The following ZDHHC5 variants were observed in gnomAD, a reference collection of about 807,000 sequenced individuals.
ZDHHC5 encodes the protein zDHHC palmitoyltransferase 5, also known as palmitoyltransferase ZDHHC5.
A neutral mutation model predicts 70.0 loss-of-function variants in ZDHHC5; 22 were observed. The ratio of observed to expected loss-of-function variants is 0.31; its 90% CI spans 0.22 to 0.45. ZDHHC5 has a LOEUF of 0.45. Among genes scored for constraint, ZDHHC5 ranks in the 20% least tolerant of loss-of-function variants. The pLI is 1.00. For missense variants in ZDHHC5, 746 were observed against 926.9 expected (o/e 0.80, Z 2.53); for synonymous variants, 313 against 347.8 (o/e 0.90, Z 1.11).
chr11:57,680,425 C>T (rs182440995), intron 2 of ZDHHC5, among the ~76,000 whole-genome samples: 75 of 152,214 alleles, frequency 4.9e-4, no homozygotes, highest in African/African-American at 1.7e-3. Context: ...TGACATGGGC[C>T]TGCAGGAGGT....
chr11:57,692,778 A>G, intron 7 of ZDHHC5, 76 bp downstream of exon 7: 2 of 1,507,690 alleles, frequency 1.3e-6, no homozygotes, highest in South Asian at 2.3e-5. Context: ...CTGGTAAAGG[A>G]GGGGTCTGGT....
At chr11:57,699,441 C>A in intron 11 of ZDHHC5, 23 bp downstream of exon 11, 1 of 1,525,144 alleles carries the variant, frequency 6.6e-7, no homozygotes, top group Admixed American at 2.2e-5. Flanking sequence ...ACTATCCTGA[C>A]CCTTAGCCAA....
intron 6 of ZDHHC5, 62 bp downstream of exon 6, chr11:57,690,499 T>C (rs1012504325): frequency 7.1e-6 from 11 of 1,547,424 alleles, no homozygotes; most frequent in Non-Finnish European, 9.8e-6. Flanking sequence ...GCCTTCTGAT[T>C]AGTGTGCAGT....
intron 2 of ZDHHC5, among the ~76,000 whole-genome samples, chr11:57,675,161 G>A (rs1462468726): frequency 2.0e-5 from 3 of 152,086 alleles, no homozygotes; most frequent in Admixed American, 6.6e-5. Context: ...GGTCAAGAGG[G>A]GTATGTACAA....
At chr11:57,683,508 T>A (rs1001312641) in intron 3 of ZDHHC5, among the ~76,000 whole-genome samples, 6 of 152,222 alleles carry the variant, frequency 3.9e-5, no homozygotes, top group Non-Finnish European at 7.3e-5. Flanking sequence ...ATAAGTTGGA[T>A]ACTGATTTTT....
At position 57,698,962 on chromosome 11, in the gene ZDHHC5, A is replaced by G; in HGVS notation, c.1526A>G (p.Gln509Arg). The change falls in exon 11 of 12, where the codon CAA becomes CGA. Residue 509 changes from glutamine to arginine, a missense_variant. Physicochemically the swap from Gln to Arg is conservative, Grantham distance 43. This residue lies in a region of ZDHHC5 where 340 missense variants were observed against 350.1 expected (regional missense o/e 0.97). Coordinates refer to ENST00000287169, the MANE Select transcript of ZDHHC5 (RefSeq NM_015457.3). ...SPFLSARLAQ[Q>R]REAERHPRLV... ...TTCCTGTCAGCCAGGCTGGCCCAGC[A>G]ACGGGAAGCTGAGAGGCACCCACGT... is the stretch of plus-strand genomic sequence containing the variant. 6.2e-7 allele frequency: 1 copy of G among 1,613,066 alleles called. No individual in the cohort carries two copies. The highest frequency in any genetic ancestry group is 8.5e-7 in the Non-Finnish European group (1 of 1,179,990).
At position 57,682,541 on chromosome 11, in the gene ZDHHC5, G is replaced by A. The variant is rs1216715899; in HGVS notation, c.224G>A (p.Arg75Gln). The change falls in exon 3 of 12, where the codon CGA becomes CAA. Residue 75 changes from arginine to glutamine, a missense_variant and splice_region_variant. Coordinates refer to ENST00000287169, the MANE Select transcript of ZDHHC5 (RefSeq NM_015457.3). ...ATFMDPGIFP[R>Q]AEEDEDKEDD... ...TTCATGGACCCAGGGATTTTCCCTC[G>A]AGGTAAGATCTGCTTCTCTCTTAGA... is the stretch of plus-strand genomic sequence containing the variant. 1.9e-6 allele frequency: 3 copies of A among 1,613,734 alleles called. No homozygotes were observed. In the Admixed American group the frequency reaches 5.0e-5, roughly 27 times the overall value.
At position 57,698,600 on chromosome 11, in the gene ZDHHC5, A is replaced by T. The variant is rs760205967; in HGVS notation, c.1164A>T (p.Ala388=). ...GCTTGAAGGAGCCAACCTCAATTGC[A>T]GAGAGCAGCCGTCACCCCAGCTACC... is the stretch of plus-strand genomic sequence containing the variant. ...GDSLKEPTSI[A]ESSRHPSYRS... The change falls in exon 11 of 12, where the codon GCA becomes GCT. Residue 388 remains alanine (A), a synonymous_variant. Coordinates refer to ENST00000287169, the MANE Select transcript of ZDHHC5 (RefSeq NM_015457.3). 2 of 1,612,990 alleles carry T rather than the reference A, an allele frequency of 1.2e-6. No homozygotes were observed. Among genetic ancestry groups the T allele is most frequent in the Non-Finnish European group, 1.7e-6 (2 of 1,179,406 alleles).
intron 4 of ZDHHC5, among the ~76,000 whole-genome samples, chr11:57,689,677 ATTTTTTTT>A (rs10561191): frequency 7.4e-6 from 1 of 135,542 alleles, no homozygotes; most frequent in Admixed American, 7.5e-5. Context: ...CGCCCGGCCA[ATTTTTTTT>A]TTTTTTTTTT....
At position 57,682,553 on chromosome 11, in the gene ZDHHC5, G is replaced by T. The variant is rs754022747; in HGVS notation, c.226+10G>T. On this transcript the variant is annotated intron_variant, in intron 3 of 11. Transcript: ENST00000287169. ...GGGATTTTCCCTCGAGGTAAGATCT[G>T]CTTCTCTCTTAGAAGCACCTTACAC... The T allele has an allele frequency of 2.5e-6, 4 of 1,613,548 alleles. No homozygotes were observed. The highest frequency in any genetic ancestry group is 3.4e-6 in the Non-Finnish European group (4 of 1,179,792).
intron 1 of ZDHHC5, among the ~76,000 whole-genome samples, chr11:57,670,678 A>G (rs1945994191): frequency 6.6e-6 from 1 of 152,108 alleles, no homozygotes; most frequent in African/African-American, 2.4e-5. Context: ...GTATTCTAAT[A>G]CTGCTGTTTG....
rs1039343977 is a variant in ZDHHC5 at position 57,699,360 on chromosome 11, G to T, written c.1924G>T (p.Ala642Ser). Residue 642 changes from alanine (A) to serine (S), a missense_variant, in exon 11 of 12, where the codon GCC becomes TCC. By Grantham distance (99) the Ala-to-Ser change is moderately conservative (BLOSUM62 1). Around this residue, in one of 6 missense-constraint regions of ZDHHC5, gnomAD observed 340 missense variants for 350.1 expected, o/e 0.97. Transcript: ENST00000287169. ...GRSMSYSSQK[A>S]QPGVSETEEV... Reference sequence around the variant, plus strand: ...ATCGATGTCTTACAGCAGCCAAAAAGCCCAACCTGGTGTCTCTGAGACAGA... The same window carrying T: ...ATCGATGTCTTACAGCAGCCAAAAATCCCAACCTGGTGTCTCTGAGACAGA... 3.1e-6 allele frequency: 5 copies of T among 1,607,982 alleles called. No individual in the cohort carries two copies. The South Asian group carries it at 3.3e-5, about 11-fold the overall frequency.
chr11:57,695,943 A>G lies in ZDHHC5; in HGVS notation c.909A>G (p.Thr303=). 1.2e-6 allele frequency: 2 copies of G among 1,614,134 alleles called. No individual in the cohort carries two copies. The highest frequency in any genetic ancestry group is 2.2e-5 in the South Asian group (2 of 91,068). The part of the protein sequence containing the change: ...RTKSKGSLEI[T]ESQSADAEPP... ...AGTCTAAGGGAAGCCTGGAGATAACAGAGAGCCAGTCTGCAGATGCTGAAC... is the reference window on the plus strand; with the variant it reads ...AGTCTAAGGGAAGCCTGGAGATAACGGAGAGCCAGTCTGCAGATGCTGAAC... The change falls in exon 9 of 12, where the codon ACA becomes ACG. Residue 303 remains threonine, a synonymous_variant. Coordinates refer to ENST00000287169, the MANE Select transcript of ZDHHC5 (RefSeq NM_015457.3).
intron 5 of ZDHHC5, 26 bp from the exon 6 acceptor site, chr11:57,690,309 T>C: frequency 6.2e-7 from 1 of 1,614,152 alleles, no homozygotes; most frequent in Non-Finnish European, 8.5e-7. Flanking sequence ...CATGTTGCTC[T>C]GTTCTCCTTG....
chr11:57,669,450 C>T (rs1489754768), intron 1 of ZDHHC5, among the ~76,000 whole-genome samples: 1 of 152,096 alleles, frequency 6.6e-6, no homozygotes, highest in Non-Finnish European at 1.5e-5. Flanking sequence ...ATATGGCATA[C>T]ATATTACTTT....
chr11:57,671,333 T>C (rs1049104315), intron 1 of ZDHHC5, among the ~76,000 whole-genome samples: 1 of 152,214 alleles, frequency 6.6e-6, no homozygotes, highest in Non-Finnish European at 1.5e-5. Flanking sequence ...TTTAATCATA[T>C]TGGGGCAGGT....
Position 57,689,672 on chromosome 11 carries a change from G to A in ZDHHC5, c.385-359G>A, listed in dbSNP as rs912833184. The stretch of plus-strand genomic sequence containing the variant: ...ATTACAGGCGTGAGCCACCGCGCCC[G>A]GCCAATTTTTTTTTTTTTTTTTTTT... On this transcript the variant is annotated intron_variant, in intron 4 of 11. Coordinates refer to ENST00000287169, the MANE Select transcript of ZDHHC5 (RefSeq NM_015457.3). Among the ~76,000 whole-genome samples, 5 of 144,868 alleles carry A rather than the reference G, an allele frequency of 3.5e-5. No individual in the cohort carries two copies. In the South Asian group the frequency reaches 6.5e-4, roughly 19 times the overall value.
intron 10 of ZDHHC5, among the ~76,000 whole-genome samples, chr11:57,697,642 CAA>C (rs35869929): frequency 1.1e-4 from 9 of 85,654 alleles, no homozygotes; most frequent in Admixed American, 2.8e-4. Context: ...GAGTCCATCT[CAA>C]AAAAAAAAAA....
chr11:57,698,118 A>AACACACACACACACACACACACAC lies in ZDHHC5; in HGVS notation c.1123-433_1123-410dup, dbSNP rs113494839. Among the ~76,000 whole-genome samples, 37 of 110,384 alleles carry AACACACACACACACACACACACAC rather than the reference A, an allele frequency of 3.4e-4. 1 individual carries two copies. Among genetic ancestry groups the AACACACACACACACACACACACAC allele is most frequent in the African/African-American group, 1.0e-3 (37 of 36,058 alleles). The allele number at this position is 110,384 out of a possible 152,430, so 72.4% of individuals were successfully genotyped here. A position where few individuals can be genotyped will look rare whatever the true frequency, so the allele number is the denominator to read the frequency against. ...CCATCACGCTCCAGCCTGGGCTTAA[A>AACACACACACACACACACACACAC]ACACACACACACACACACACACACA... On this transcript the variant is annotated intron_variant, in intron 10 of 11. Coordinates refer to ENST00000287169, the MANE Select transcript of ZDHHC5 (RefSeq NM_015457.3).
Sources: allele counts gnomAD v4.1 joint callset (sites outside exome capture counted in the v4.1 genomes callset), GRCh38; gene constraint gnomAD v4.1.1; regional missense constraint gnomAD v4.1.1; transcripts MANE v1.5; gene names NCBI Gene and HGNC (gene_info 2026-07-23, HGNC 2026-07-21).